The following CDH18 variants were observed in gnomAD, a reference collection of about 807,000 sequenced individuals.
The protein encoded by CDH18 is cadherin 18.
In CDH18, 31 loss-of-function variants were observed where a neutral mutation model predicts 67.9. That is an observed-to-expected ratio of 0.46 (90% confidence interval 0.34 to 0.62). The LOEUF is 0.62. Ranked by LOEUF, CDH18 falls within the 20% of genes least tolerant of loss-of-function variation. The probability of loss-of-function intolerance (pLI) is 0.01; values close to 1 mark genes in which losing one functional copy is unlikely to be tolerated. For missense variants in CDH18, 890 were observed against 975.5 expected, an observed-to-expected ratio of 0.91 and a Z score of 1.17; for synonymous variants, 362 against 347.2, an observed-to-expected ratio of 1.04 and a Z score of -0.48.
intron 2 of CDH18, among the ~76,000 whole-genome samples, chr5:20,044,366 G>A (rs1227948344): frequency 1.3e-5 from 2 of 151,996 alleles, no homozygotes; most frequent in Admixed American, 6.6e-5. Context: ...TTATTATGAT[G>A]TACCCTGTAA....
intron 3 of CDH18, among the ~76,000 whole-genome samples, chr5:19,804,329 A>G (rs1777821494): frequency 6.6e-6 from 1 of 151,712 alleles, no homozygotes; most frequent in African/African-American, 2.4e-5. Flanking sequence ...TAAAATAAAT[A>G]AATAAGTAAA....
chr5:20,214,961 T>A (rs747683678), intron 2 of CDH18, among the ~76,000 whole-genome samples: 54 of 152,008 alleles, frequency 3.6e-4, no homozygotes, highest in Non-Finnish European at 6.3e-4. Context: ...GGGTCTAATA[T>A]CCAGCATCCA....
intron 2 of CDH18, among the ~76,000 whole-genome samples, chr5:19,892,411 G>T (rs1788869156): frequency 6.6e-6 from 1 of 152,002 alleles, no homozygotes; most frequent in Admixed American, 6.6e-5. Flanking sequence ...AATTTGTGTA[G>T]GGCATCAACT....
intron 1 of CDH18, among the ~76,000 whole-genome samples, chr5:20,289,816 T>C (rs1038198432): frequency 6.6e-6 from 1 of 151,986 alleles, no homozygotes; most frequent in Non-Finnish European, 1.5e-5. Flanking sequence ...TATCTGTCAA[T>C]AGGGTCACCA....
chr5:20,023,600 A>C (rs962867973), intron 2 of CDH18, among the ~76,000 whole-genome samples: 1 of 144,686 alleles, frequency 6.9e-6, no homozygotes, highest in Non-Finnish European at 1.5e-5. Context: ...CGGAGTTTGT[A>C]GTTAGCCGAG....
At chr5:19,929,723 G>A (rs551818924) in intron 2 of CDH18, among the ~76,000 whole-genome samples, 1 of 152,120 alleles carries the variant, frequency 6.6e-6, no homozygotes. Context: ...CTTAAATGTT[G>A]GTGTGTGAAT....
intron 1 of CDH18, among the ~76,000 whole-genome samples, chr5:20,532,033 A>ATT (rs1756431787): frequency 6.6e-6 from 1 of 152,102 alleles, no homozygotes; most frequent in African/African-American, 2.4e-5. Context: ...ATAACAATAT[A>ATT]CTAAAAAAGT....
chr5:20,167,368 C>A (rs1361445583), intron 2 of CDH18, among the ~76,000 whole-genome samples: 1 of 151,780 alleles, frequency 6.6e-6, no homozygotes, highest in Non-Finnish European at 1.5e-5. Context: ...GGATTTTGAT[C>A]GGGAGAGGGC....
intron 1 of CDH18, among the ~76,000 whole-genome samples, chr5:20,456,697 A>G (rs918657632): frequency 3.5e-5 from 4 of 113,018 alleles, no homozygotes; most frequent in African/African-American, 1.2e-4. Flanking sequence ...TAAGTGGACT[A>G]ATTTTAAACA....
At chr5:19,684,084 TC>T (rs1306373471) in intron 5 of CDH18, among the ~76,000 whole-genome samples, 1 of 152,150 alleles carries the variant, frequency 6.6e-6, no homozygotes, top group Non-Finnish European at 1.5e-5. Flanking sequence ...CATTTGATTT[TC>T]CTTTCTATAG....
intron 1 of CDH18, chr5:20,305,436 G>A: frequency 2.6e-6 from 4 of 1,522,356 alleles, no homozygotes; most frequent in Non-Finnish European, 3.6e-6. Context: ...GTTCCTTCTC[G>A]GCTTTTGGCC....
intron 1 of CDH18, among the ~76,000 whole-genome samples, chr5:20,301,807 T>TTC (rs397996956): frequency 7.8e-6 from 1 of 127,540 alleles, no homozygotes; most frequent in African/African-American, 2.9e-5. Flanking sequence ...TTTTTTTTTT[T>TTC]GGCATGCAGC....
At chr5:20,149,461 A>G (rs986915355) in intron 2 of CDH18, among the ~76,000 whole-genome samples, 1 of 152,144 alleles carries the variant, frequency 6.6e-6, no homozygotes, top group Non-Finnish European at 1.5e-5. Flanking sequence ...GATATCGGAC[A>G]GGGTAGTGAA....
At chr5:19,803,269 T>C (rs144670700) in intron 3 of CDH18, among the ~76,000 whole-genome samples, 1 of 152,360 alleles carries the variant, frequency 6.6e-6, no homozygotes, top group African/African-American at 2.4e-5. Flanking sequence ...ATTCATAATG[T>C]CTCACACGCA....
chr5:20,522,960 G>T (rs1755834456), intron 1 of CDH18, among the ~76,000 whole-genome samples: 1 of 152,078 alleles, frequency 6.6e-6, no homozygotes, highest in Admixed American at 6.6e-5. Context: ...CAAAATTCTT[G>T]CATTTTACTT....
chr5:19,853,168 T>C (rs1359888936), intron 2 of CDH18, among the ~76,000 whole-genome samples: 1 of 152,110 alleles, frequency 6.6e-6, no homozygotes, highest in Non-Finnish European at 1.5e-5. Flanking sequence ...AAAAGTCCCA[T>C]ATCAAGGTTC....
chr5:19,608,670 C>G (rs538158408), intron 6 of CDH18, among the ~76,000 whole-genome samples: 1 of 151,750 alleles, frequency 6.6e-6, no homozygotes, highest in Non-Finnish European at 1.5e-5. Context: ...TTACATGGCA[C>G]TAAACCAACT....
In CDH18 at chr5:19,976,975, A is replaced by G. The variant is rs76740662; in HGVS notation, c.-257+4085T>C. The stretch of plus-strand genomic sequence containing the variant: ...GAATAAAATTAATGTTTGCATGTTT[A>G]AATATATATGCTTTTCAGGTTTATG... On this transcript the variant is annotated intron_variant, in intron 2 of 12. Coordinates refer to ENST00000382275, the MANE Select transcript of CDH18 (RefSeq NM_004934.5). Among the ~76,000 whole-genome samples the G allele has an allele frequency of 4.1e-3, 629 of 152,258 alleles. 4 individuals are homozygous for G. Among genetic ancestry groups the G allele is most frequent in the African/African-American group, 0.014 (594 of 41,572 alleles).
At chr5:20,400,636 C>T (rs1244622394) in intron 1 of CDH18, among the ~76,000 whole-genome samples, 2 of 150,788 alleles carry the variant, frequency 1.3e-5, no homozygotes, top group Admixed American at 1.3e-4. Context: ...GTGGCACACG[C>T]CTGTAATCCC....
Sources: gnomAD v4.1 joint callset for allele counts (sites outside exome capture counted in the v4.1 genomes callset) on GRCh38, gnomAD v4.1.1 for gene constraint, MANE v1.5 for transcripts, NCBI Gene and HGNC (gene_info 2026-07-23, HGNC 2026-07-21) for gene names.